The following ALK variants were observed in gnomAD, a reference collection of about 807,000 sequenced individuals.
ALK encodes ALK tyrosine kinase receptor.
Under a neutral mutation model 163.1 loss-of-function variants are expected in ALK, and 74 were observed. The observed-to-expected ratio is 0.45, with a 90% confidence interval of 0.38 to 0.55. The LOEUF (loss-of-function observed/expected upper bound fraction) is 0.55. Ranked by LOEUF, ALK falls within the 20% of genes least tolerant of loss-of-function variation. The pLI is 0.00. For synonymous variants in ALK, 960 were observed against 843.2 expected, an observed-to-expected ratio of 1.14 and a Z score of -2.40; for missense variants, 2,063 against 2,105.3, an observed-to-expected ratio of 0.98 and a Z score of 0.39.
chr2:29,622,701 A>T (rs1676070220), intron 3 of ALK, among the ~76,000 whole-genome samples: 1 of 152,110 alleles, frequency 6.6e-6, no homozygotes, highest in African/African-American at 2.4e-5. Context: ...AGTTCCTTGA[A>T]GTTCCACAGT....
chr2:29,414,977 G>T (rs1669831801), intron 4 of ALK, among the ~76,000 whole-genome samples: 1 of 151,806 alleles, frequency 6.6e-6, no homozygotes, highest in African/African-American at 2.4e-5. Context: ...GTGGCTCCAG[G>T]CCCAGGAGCA....
At chr2:29,229,124 C>T in intron 15 of ALK, 58 bp from the exon 16 acceptor site, 3 of 1,547,078 alleles carry the variant, frequency 1.9e-6, no homozygotes, top group Non-Finnish European at 2.7e-6. Flanking sequence ...ATTAGCCATG[C>T]TGGCCAGAGA....
In ALK at chr2:29,197,634, A is replaced by C. The variant is rs1669057406; in HGVS notation, c.3981T>G (p.Tyr1327Ter). 4 of 1,614,104 alleles carry C rather than the reference A, an allele frequency of 2.5e-6. No individual in the cohort carries two copies. Among genetic ancestry groups the C allele is most frequent in the Non-Finnish European group, 2.5e-6 (3 of 1,180,030 alleles). The change falls in exon 27 of 29, where the codon TAT becomes TAG. Residue 1327 changes from tyrosine to a stop codon, truncating the protein, a stop_gained. Transcript: ENST00000389048. LOFTEE classifies it high-confidence loss of function. Reference sequence around the variant, plus strand: ...GGTTGCTTTTGCTGGGGTATGGCATATATCCAAGAGAAAAGATTTCCCATA... The same window carrying C: ...GGTTGCTTTTGCTGGGGTATGGCATCTATCCAAGAGAAAAGATTTCCCATA... ...VLLWEIFSLGYMPYPSKSNQE... is the reference protein window; with the variant it reads ...VLLWEIFSLG
intron 4 of ALK, among the ~76,000 whole-genome samples, chr2:29,457,147 G>C (rs1383942064): frequency 6.6e-6 from 1 of 152,074 alleles, no homozygotes; most frequent in African/African-American, 2.4e-5. Flanking sequence ...GTACCTCTCT[G>C]GGTCTGAAAA....
intron 5 of ALK, among the ~76,000 whole-genome samples, chr2:29,351,363 T>C (rs972027839): frequency 6.6e-6 from 1 of 152,156 alleles, no homozygotes; most frequent in African/African-American, 2.4e-5. Context: ...GGCTGGGCCA[T>C]GACAGGTCAG....
chr2:29,468,302 C>T (rs4666217), intron 4 of ALK, among the ~76,000 whole-genome samples: 27,586 of 152,126 alleles, frequency 0.18, 2,725 homozygotes, highest in East Asian at 0.36. Context: ...GCTGGGATTA[C>T]AGGCGTGAGC....
chr2:29,585,064 A>G (rs192410148), intron 3 of ALK, among the ~76,000 whole-genome samples: 15 of 152,256 alleles, frequency 9.9e-5, no homozygotes, highest in Non-Finnish European at 2.1e-4. Flanking sequence ...TATTAAGGAC[A>G]TTCTAAGGTT....
At chr2:29,434,302 C>G (rs1195285360) in intron 4 of ALK, among the ~76,000 whole-genome samples, 1 of 152,062 alleles carries the variant, frequency 6.6e-6, no homozygotes, top group African/African-American at 2.4e-5. Flanking sequence ...GAGACGGAGG[C>G]TAGGGTAGTA....
intron 1 of ALK, among the ~76,000 whole-genome samples, chr2:29,792,889 T>C (rs4571018): frequency 0.58 from 87,792 of 152,092 alleles, 30,510 homozygotes; most frequent in Non-Finnish European, 0.78. Context: ...TTTTTGCTGA[T>C]GGAGGGTCTT....
chr2:29,359,020 C>T (rs1376467177), intron 5 of ALK, among the ~76,000 whole-genome samples: 3 of 151,678 alleles, frequency 2.0e-5, no homozygotes, highest in Non-Finnish European at 4.4e-5. Context: ...CAACATTATG[C>T]CTATAGTTAA....
intron 1 of ALK, among the ~76,000 whole-genome samples, chr2:29,843,093 G>A (rs777727959): frequency 1.3e-5 from 2 of 151,986 alleles, no homozygotes; most frequent in Non-Finnish European, 2.9e-5. Context: ...AGGGTGATTG[G>A]GTAAGAAAAA....
At chr2:29,318,726 C>T (rs1175189400) in intron 7 of ALK, among the ~76,000 whole-genome samples, 4 of 152,030 alleles carry the variant, frequency 2.6e-5, no homozygotes, top group Non-Finnish European at 1.5e-5. Context: ...GCCACCACGC[C>T]CGGCTAATTT....
chr2:29,705,360 T>C (rs571850734), intron 2 of ALK, among the ~76,000 whole-genome samples: 30 of 147,416 alleles, frequency 2.0e-4, no homozygotes, highest in African/African-American at 7.2e-4. Flanking sequence ...CATATATTAA[T>C]AGATGGATAC....
At chr2:29,384,775 T>C (rs2148302497) in intron 4 of ALK, among the ~76,000 whole-genome samples, 1 of 152,312 alleles carries the variant, frequency 6.6e-6, no homozygotes, top group East Asian at 1.9e-4. Flanking sequence ...GTATAATTGA[T>C]GTATAATAAA....
At chr2:29,890,662 G>T (rs1470479211) in intron 1 of ALK, 2 of 152,166 alleles carry the variant, frequency 1.3e-5, no homozygotes, top group African/African-American at 2.4e-5. Context: ...ATCTCTGAGC[G>T]GGTGGCAGGG....
At chr2:29,238,276 A>C (rs1249786507) in intron 13 of ALK, among the ~76,000 whole-genome samples, 1 of 152,144 alleles carries the variant, frequency 6.6e-6, no homozygotes, top group Non-Finnish European at 1.5e-5. Context: ...GGCTCACTGC[A>C]ACCTCTGCCT....
At chr2:29,700,085 T>C (rs1678687628) in intron 2 of ALK, among the ~76,000 whole-genome samples, 1 of 152,220 alleles carries the variant, frequency 6.6e-6, no homozygotes. Context: ...AGGCTTACCC[T>C]GGGCCGACAC....
rs140013852 is a variant in ALK, at chr2:29,909,605, T to G, written c.667+10388A>C. 3.2e-3 allele frequency among the ~76,000 whole-genome samples: 488 copies of G among 152,012 alleles called. 2 individuals carry two copies. The highest frequency in any genetic ancestry group is 0.011 in the African/African-American group (474 of 41,500). On this transcript the variant is annotated intron_variant, in intron 1 of 28. Transcript: ENST00000389048. Reference sequence around the variant, plus strand: ...TTCATACAGTGAGATTCCACAAGACTAAGCAAAGAGCAGCTACCAAGTAAA... The same window carrying G: ...TTCATACAGTGAGATTCCACAAGACGAAGCAAAGAGCAGCTACCAAGTAAA...
At chr2:29,201,162 C>T (rs540578594) in intron 26 of ALK, among the ~76,000 whole-genome samples, 1 of 151,726 alleles carries the variant, frequency 6.6e-6, no homozygotes, top group Non-Finnish European at 1.5e-5. Context: ...AAAATGGGAG[C>T]CAAAAATTAA....
Sources: gnomAD v4.1 joint callset for allele counts (sites outside exome capture counted in the v4.1 genomes callset) on GRCh38, gnomAD v4.1.1 for gene constraint, MANE v1.5 for transcripts, NCBI Gene and HGNC (gene_info 2026-07-23, HGNC 2026-07-21) for gene names.